Variants in ZNF536 observed in about 807,000 individuals in gnomAD.
ZNF536 encodes zinc finger protein 536.
In ZNF536, 13 loss-of-function variants were observed where a neutral mutation model predicts 84.5. The ratio of observed to expected loss-of-function variants is 0.15; its 90% CI spans 0.10 to 0.24. The LOEUF is 0.24. ZNF536 is among the 10% of genes least tolerant of loss of function. ZNF536 has a pLI of 1.00. For synonymous variants in ZNF536, 811 were observed against 742.5 expected (o/e 1.09, Z -1.50); for missense variants, 1,536 against 1,747.5 (o/e 0.88, Z 2.16).
At chr19:30,583,453 C>T (rs961931869) in intron 1 of ZNF536, among the ~76,000 whole-genome samples, 8 of 152,170 alleles carry the variant, frequency 5.3e-5, no homozygotes, top group Admixed American at 4.6e-4. Flanking sequence ...GCAGGCACTA[C>T]ACTTTATTGG....
intron 2 of ZNF536, among the ~76,000 whole-genome samples, chr19:30,494,852 A>G (rs2145179923): frequency 6.7e-6 from 1 of 149,488 alleles, no homozygotes; most frequent in African/African-American, 2.5e-5. Context: ...AGGCTGAGGC[A>G]GGAGAATTGC....
rs35858645 is a variant in ZNF536, at chr19:30,478,155, GTTT to G, written c.2170+32438_2170+32440del. The stretch of plus-strand genomic sequence containing the variant: ...AGATGGTTCATGGATAATCCTTGGT[GTTT>G]TTTTTTTTTTTTTTCCAGGATAAAG... On this transcript the variant is annotated intron_variant, in intron 2 of 4. Coordinates refer to ENST00000355537, the MANE Select transcript of ZNF536 (RefSeq NM_014717.3). Among the ~76,000 whole-genome samples the G allele has an allele frequency of 5.3e-3, 710 of 134,792 alleles. 8 individuals carry two copies. Among genetic ancestry groups the G allele is most frequent in the South Asian group, 0.017 (72 of 4,154 alleles). The allele number at this position is 134,792 out of a possible 152,430, so 88.4% of individuals were successfully genotyped here.
intron 2 of ZNF536, among the ~76,000 whole-genome samples, chr19:30,346,813 C>T (rs1477299394): frequency 6.6e-6 from 1 of 152,182 alleles, no homozygotes; most frequent in African/African-American, 2.4e-5. Flanking sequence ...CATACGCATA[C>T]ATGTCTCTCT....
chr19:30,550,693 G>C lies in ZNF536; in HGVS notation c.3895+1179G>C, dbSNP rs561123400. 5.9e-5 allele frequency among the ~76,000 whole-genome samples: 9 copies of C among 152,240 alleles called. No homozygotes were observed. In the East Asian group the frequency reaches 1.7e-3, roughly 29 times the overall value. The stretch of plus-strand genomic sequence containing the variant: ...TTTGAACCTCAACATCCTGTTGTTC[G>C]TTTAAGCACAGAGAAGAATTCAGGA... On this transcript the variant is annotated intron_variant, in intron 4 of 4. Transcript: ENST00000355537.
At chr19:30,481,969 TCATC>T (rs1486629376) in intron 2 of ZNF536, among the ~76,000 whole-genome samples, 4 of 152,228 alleles carry the variant, frequency 2.6e-5, no homozygotes, top group African/African-American at 9.6e-5. Context: ...GCCTCCAACT[TCATC>T]CAAGTTGTTG....
chr19:30,445,580 G>A lies in ZNF536; in HGVS notation c.2018G>A (p.Gly673Asp), dbSNP rs751805133. 4.3e-5 allele frequency: 69 copies of A among 1,612,962 alleles called. No individual in the cohort carries two copies. Among genetic ancestry groups the A allele is most frequent in the African/African-American group, 6.7e-5 (5 of 74,920 alleles). ...CACGTGGGCCTGGATGAGCGGCGTG[G>A]CTCGGGCAGTGACCAGGAGTCCCAG... is the stretch of plus-strand genomic sequence containing the variant. The part of the protein sequence containing the change: ...GLHVGLDERR[G>D]SGSDQESQSV... Residue 673 changes from glycine to aspartate, a missense_variant, in exon 2 of 5, where the codon GGC becomes GAC. Physicochemically the swap from Gly to Asp is moderately conservative, Grantham distance 94. Coordinates refer to ENST00000355537, the MANE Select transcript of ZNF536 (RefSeq NM_014717.3). This position sits in a 1 kb window ranked among gnomAD's most constrained non-coding sequence, Gnocchi z 4.5.
At chr19:30,413,229 C>G (rs2053070) in intron 1 of ZNF536, among the ~76,000 whole-genome samples, 54,345 of 151,874 alleles carry the variant, frequency 0.36, 12,548 homozygotes, top group African/African-American at 0.66. Flanking sequence ...AGTGTCTGCT[C>G]TTATTTTTAT....
At chr19:30,526,723 C>CAA (rs766704469) in intron 2 of ZNF536, among the ~76,000 whole-genome samples, 105 of 46,320 alleles carry the variant, frequency 2.3e-3, no homozygotes, top group Admixed American at 2.7e-3. Context: ...GACTCCGTCT[C>CAA]AAAAAAAAAA....
In ZNF536 at chr19:30,445,332, C is replaced by A. The variant is rs781335953; in HGVS notation, c.1770C>A (p.Ser590Arg). Residue 590 changes from serine to arginine, a missense_variant, in exon 2 of 5, where the codon AGC becomes AGA. Physicochemically the swap from Ser to Arg is moderately radical, Grantham distance 110. Coordinates refer to ENST00000355537, the MANE Select transcript of ZNF536 (RefSeq NM_014717.3). This position sits in a 1 kb window ranked among gnomAD's most constrained non-coding sequence, Gnocchi z 4.5. Reference sequence around the variant, plus strand: ...TGGTTCACAGCACTAAAGTGGGCAGCCAGAGAGACCTGCCAAGTAAGCTCG... The same window carrying A: ...TGGTTCACAGCACTAAAGTGGGCAGACAGAGAGACCTGCCAAGTAAGCTCG... The part of the protein sequence containing the change: ...ADLVHSTKVG[S>R]QRDLPSKLDP... The A allele has an allele frequency of 6.2e-7, 1 of 1,614,168 alleles. No individual in the cohort carries two copies. Among genetic ancestry groups the A allele is most frequent in the African/African-American group, 1.3e-5 (1 of 75,044 alleles).
At chr19:30,364,088 C>T (rs1325293590) in intron 3 of ZNF536, among the ~76,000 whole-genome samples, 4 of 152,020 alleles carry the variant, frequency 2.6e-5, no homozygotes, top group Admixed American at 1.3e-4. Context: ...AGCAGGCAAG[C>T]GTGGAGGTGT....
chr19:30,459,352 CT>C lies in ZNF536; in HGVS notation c.2170+13621del, dbSNP rs1398710821. Among the ~76,000 whole-genome samples, 6 of 106,578 alleles carry C rather than the reference CT, an allele frequency of 5.6e-5. No homozygotes were observed. In the East Asian group the frequency reaches 1.5e-3, roughly 27 times the overall value. 69.9% of individuals were successfully genotyped at this position (106,578 alleles called of 152,430 possible). On this transcript the variant is annotated intron_variant, in intron 2 of 4. Coordinates refer to ENST00000355537, the MANE Select transcript of ZNF536 (RefSeq NM_014717.3). Reference sequence around the variant, plus strand: ...TTTCTTTCTTTCCTTCTTTCTTTCTCTCTTTTTTTTTTTTTTTTGATGGAGT... The same window carrying C: ...TTTCTTTCTTTCCTTCTTTCTTTCTCCTTTTTTTTTTTTTTTTGATGGAGT...
Position 30,621,074 on chromosome 19 carries a change from G to A in ZNF536, c.169+71560G>A, listed in dbSNP as rs1048849513. The stretch of plus-strand genomic sequence containing the variant: ...AATAACTGCTCTGATAGTCTTCTGC[G>A]GTGACATTTAGAATATCACGTTTGT... On this transcript the variant is annotated intron_variant, in intron 1 of 1. Transcript: ENST00000592773. Among the ~76,000 whole-genome samples, 7 of 151,814 alleles carry A rather than the reference G, an allele frequency of 4.6e-5. No individual in the cohort carries two copies. In the East Asian group the frequency reaches 7.7e-4, roughly 17 times the overall value.
At chr19:30,496,672 A>C (rs1368458041) in intron 2 of ZNF536, among the ~76,000 whole-genome samples, 1 of 152,124 alleles carries the variant, frequency 6.6e-6, no homozygotes, top group Admixed American at 6.5e-5. Context: ...GAGGTAAAGC[A>C]GTAGTAGAGA....
intron 1 of ZNF536, among the ~76,000 whole-genome samples, chr19:30,374,026 G>T (rs1006678550): frequency 6.6e-6 from 1 of 152,180 alleles, no homozygotes; most frequent in Non-Finnish European, 1.5e-5. Flanking sequence ...ACGATAGAGC[G>T]TATTTCAATG....
At chr19:30,545,817 C>T (rs992377034) in intron 3 of ZNF536, among the ~76,000 whole-genome samples, 2 of 152,192 alleles carry the variant, frequency 1.3e-5, no homozygotes, top group African/African-American at 4.8e-5. Flanking sequence ...GGAAAGTCCA[C>T]CTTCCCCCTC....
At chr19:30,595,511 C>G (rs2047432949) in intron 1 of ZNF536, among the ~76,000 whole-genome samples, 1 of 152,120 alleles carries the variant, frequency 6.6e-6, no homozygotes, top group African/African-American at 2.4e-5. Flanking sequence ...TGGTCTCAAA[C>G]TCCTGGCCTT....
chr19:30,657,832 A>G (rs1402935609), intron 1 of ZNF536, among the ~76,000 whole-genome samples: 2 of 152,190 alleles, frequency 1.3e-5, no homozygotes, highest in Non-Finnish European at 2.9e-5. Flanking sequence ...AAAGAAATCA[A>G]TCCAGAATCC....
chr19:30,295,270 G>A (rs1287402895), intron 2 of ZNF536, among the ~76,000 whole-genome samples: 1 of 151,566 alleles, frequency 6.6e-6, no homozygotes, highest in African/African-American at 2.4e-5. Flanking sequence ...ACCCGCCAAT[G>A]TCTAGGTCTG....
At chr19:30,554,869 A>G (rs557289063) in intron 4 of ZNF536, 5 of 152,290 alleles carry the variant, frequency 3.3e-5, no homozygotes, top group Non-Finnish European at 7.3e-5. Flanking sequence ...AGTGGTGCAA[A>G]CACTGGTCCT....
Sources: allele counts gnomAD v4.1 joint callset (sites outside exome capture counted in the v4.1 genomes callset), GRCh38; gene constraint gnomAD v4.1.1; non-coding constraint Gnocchi (gnomAD v3.1); transcripts MANE v1.5; gene names NCBI Gene and HGNC (gene_info 2026-07-23, HGNC 2026-07-21).